CCDC88C: variants seen among roughly 807,000 people sequenced by gnomAD.
CCDC88C encodes the protein coiled-coil and HOOK domain protein 88C.
In CCDC88C, 131 loss-of-function variants were observed where a neutral mutation model predicts 198.8. That is an observed-to-expected ratio of 0.66 (90% CI 0.57 to 0.76). The LOEUF (loss-of-function observed/expected upper bound fraction) is 0.76. Ranked by LOEUF, CCDC88C falls within the 30% of genes least tolerant of loss-of-function variation. The probability of loss-of-function intolerance (pLI) is 0.00; values close to 1 mark genes in which losing one functional copy is unlikely to be tolerated. For missense variants in CCDC88C, 2,553 were observed against 2,631.6 expected, an observed-to-expected ratio of 0.97 and a Z score of 0.65; for synonymous variants, 1,166 against 1,114.7, an observed-to-expected ratio of 1.05 and a Z score of -0.92.
At chr14:91,384,271 C>G (rs1263023034) in intron 3 of CCDC88C, 2 of 298,896 alleles carry the variant, frequency 6.7e-6, no homozygotes, top group Non-Finnish European at 1.3e-5. Context: ...ACCCCCATCT[C>G]TCTTTTTTTT....
chr14:91,399,560 A>G (rs1018150985), intron 3 of CCDC88C, among the ~76,000 whole-genome samples: 12 of 152,276 alleles, frequency 7.9e-5, no homozygotes, highest in Non-Finnish European at 1.5e-4. Flanking sequence ...TTCCTAGGCC[A>G]GGCTCAGTGG....
intron 10 of CCDC88C, 149 bp downstream of exon 10, chr14:91,337,856 A>T: frequency 1.1e-6 from 1 of 878,950 alleles, no homozygotes; most frequent in South Asian, 1.6e-5. Context: ...GGGCCCTGGG[A>T]AGCCCAGGCA....
At chr14:91,361,973 C>A (rs1894324850) in intron 3 of CCDC88C, among the ~76,000 whole-genome samples, 1 of 152,092 alleles carries the variant, frequency 6.6e-6, no homozygotes, top group Admixed American at 6.5e-5. Context: ...GAGGCTCACG[C>A]CTGCAATCCT....
At chr14:91,335,066 T>C (rs1892991906) in intron 10 of CCDC88C, among the ~76,000 whole-genome samples, 1 of 152,088 alleles carries the variant, frequency 6.6e-6, no homozygotes, top group Non-Finnish European at 1.5e-5. Context: ...AGCTCCAGAT[T>C]CACTCAGCAA....
At chr14:91,342,682 A>G (rs1484525383) in intron 5 of CCDC88C, among the ~76,000 whole-genome samples, 2 of 152,198 alleles carry the variant, frequency 1.3e-5, no homozygotes, top group Admixed American at 6.5e-5. Flanking sequence ...CTTGTTCTTA[A>G]AACTCCCATC....
At chr14:91,375,955 G>GACT (rs1353427989) in intron 3 of CCDC88C, among the ~76,000 whole-genome samples, 4 of 152,226 alleles carry the variant, frequency 2.6e-5, no homozygotes, top group African/African-American at 9.7e-5. Flanking sequence ...GGGGTCACAT[G>GACT]ACTACAAGTG....
chr14:91,289,429 T>A, intron 24 of CCDC88C, 86 bp from the exon 25 acceptor site: 1 of 1,184,556 alleles, frequency 8.4e-7, no homozygotes, highest in Non-Finnish European at 1.3e-6. Flanking sequence ...GGCTGGGATG[T>A]TCTTCCCCAG....
In CCDC88C at chr14:91,273,714, G is replaced by A. The variant is rs1254719200; in HGVS notation, c.5059-61C>T. The A allele has an allele frequency of 1.1e-5, 15 of 1,356,346 alleles. No individual in the cohort carries two copies. In the South Asian group the frequency reaches 2.0e-4, roughly 19 times the overall value. 84.0% of individuals were successfully genotyped at this position (1,356,346 alleles called of 1,614,324 possible). ...GAGGGTTGGGTGGGTCCTTGGAGCC[G>A]CCTCCTGCGCGGGACGCCCCCGAGC... is the stretch of plus-strand genomic sequence containing the variant. On this transcript the variant is annotated intron_variant, in intron 29 of 29. Transcript: ENST00000389857. The surrounding 1 kb of genome is among the most constrained non-coding windows in gnomAD (Gnocchi z 5.6).
In CCDC88C at chr14:91,313,589, T is replaced by A; in HGVS notation, c.2227A>T (p.Asn743Tyr). Reference protein sequence around the residue: ...LEREKEELRKNVDLLKALGKK... With the variant: ...LEREKEELRKYVDLLKALGKK... ...CCCAGCGCCTTGAGCAGATCCACGT[T>A]CTTCCTCAGCTCCTCCTTCTCACGC... The change falls in exon 15 of 30, where the codon AAC becomes TAC. Residue 743 changes from asparagine to tyrosine, a missense_variant. Around this residue, in one of 2 missense-constraint regions of CCDC88C, gnomAD observed 1,260 missense variants for 1,412.0 expected, o/e 0.89. Coordinates refer to ENST00000389857, the MANE Select transcript of CCDC88C (RefSeq NM_001080414.4). The surrounding 1 kb of genome is among the most constrained non-coding windows in gnomAD (Gnocchi z 5.2). 6.2e-7 allele frequency: 1 copy of A among 1,612,466 alleles called. No homozygotes were observed. Among genetic ancestry groups the A allele is most frequent in the African/African-American group, 1.3e-5 (1 of 75,046 alleles).
rs777380070 is a variant in CCDC88C at position 91,272,973 on chromosome 14, AGCACCT to A, written c.5733_5738del (p.Gly1914_Ala1915del). 1 of 1,557,070 alleles carries A rather than the reference AGCACCT, an allele frequency of 6.4e-7. No homozygotes were observed. The highest frequency in any genetic ancestry group is 8.6e-7 in the Non-Finnish European group (1 of 1,156,782). ...TGCCACTGCCAGCAGCAGCAGCACC[AGCACCT>A]GCAGTGGCAATGGCGGGGGCTGTGG... On this transcript the variant is annotated inframe_deletion, in exon 30 of 30. Coordinates refer to ENST00000389857, the MANE Select transcript of CCDC88C (RefSeq NM_001080414.4).
Position 91,273,500 on chromosome 14 carries a change from G to T in CCDC88C, c.5212C>A (p.Pro1738Thr). 5 of 1,548,944 alleles carry T rather than the reference G, an allele frequency of 3.2e-6. No homozygotes were observed. The highest frequency in any genetic ancestry group is 3.5e-6 in the Non-Finnish European group (4 of 1,147,148). The change falls in exon 30 of 30, where the codon CCC becomes ACC. Residue 1738 changes from proline to threonine, a missense_variant. By Grantham distance (38) the Pro-to-Thr change is conservative. Around this residue, in one of 2 missense-constraint regions of CCDC88C, gnomAD observed 1,293 missense variants for 1,219.6 expected, o/e 1.06. Coordinates refer to ENST00000389857, the MANE Select transcript of CCDC88C (RefSeq NM_001080414.4). The surrounding 1 kb of genome is among the most constrained non-coding windows in gnomAD (Gnocchi z 5.6). ...FVAPTVKMAA[P>T]TSEGRPLKPG... Reference sequence around the variant, plus strand: ...TTCAGCGGCCTCCCCTCCGAGGTGGGGGCGGCCATTTTGACGGTGGGGGCC... The same window carrying T: ...TTCAGCGGCCTCCCCTCCGAGGTGGTGGCGGCCATTTTGACGGTGGGGGCC...
At chr14:91,334,370 G>A (rs1379366366) in intron 10 of CCDC88C, among the ~76,000 whole-genome samples, 2 of 152,134 alleles carry the variant, frequency 1.3e-5, no homozygotes, top group African/African-American at 2.4e-5. Flanking sequence ...TCAGACTCCC[G>A]AGAGTTGGGA....
Position 91,417,687 on chromosome 14 carries a change from C to A in CCDC88C, c.4G>T (p.Asp2Tyr). 1 of 1,561,340 alleles carries A rather than the reference C, an allele frequency of 6.4e-7. No homozygotes were observed. The highest frequency in any genetic ancestry group is 8.6e-7 in the Non-Finnish European group (1 of 1,158,332). The change falls in exon 1 of 30, where the codon GAC (aspartate) becomes TAC (tyrosine). Residue 2 changes from aspartate to tyrosine, a missense_variant. Physicochemically the swap from Asp to Tyr is radical, Grantham distance 160. Transcript: ENST00000389857. ...TCCAGGAGCTCCGAGACTGTCACGT[C>A]CATGCTGAGGCTGCGCCCGCCGGCT... M[D>Y]VTVSELLELF...
chr14:91,282,393 A>C (rs1321760615), intron 26 of CCDC88C, among the ~76,000 whole-genome samples: 1 of 152,178 alleles, frequency 6.6e-6, no homozygotes, highest in Non-Finnish European at 1.5e-5. Context: ...ATATTTTCCT[A>C]TCTCTTAAAT....
intron 10 of CCDC88C, among the ~76,000 whole-genome samples, chr14:91,336,343 C>T (rs1233744047): frequency 6.6e-6 from 1 of 152,160 alleles, no homozygotes; most frequent in Non-Finnish European, 1.5e-5. Context: ...CAGGAACGAA[C>T]ACGGAGACGG....
rs1281069691 is a variant in CCDC88C, at chr14:91,325,112, G to T, written c.1198-189C>A. Among the ~76,000 whole-genome samples, 4 of 152,166 alleles carry T rather than the reference G, an allele frequency of 2.6e-5. No individual in the cohort carries two copies. Among genetic ancestry groups the T allele is most frequent in the African/African-American group, 9.7e-5 (4 of 41,430 alleles). On this transcript the variant is annotated intron_variant, in intron 11 of 29. Coordinates refer to ENST00000389857, the MANE Select transcript of CCDC88C (RefSeq NM_001080414.4). The surrounding 1 kb of genome is among the most constrained non-coding windows in gnomAD (Gnocchi z 4.1). The stretch of plus-strand genomic sequence containing the variant: ...GCTATGAGAGGGAAAGCCACTCAAA[G>T]GTACCCTGACCTGGCTACCTAGGTT...
In CCDC88C at chr14:91,272,882, G is replaced by A. The variant is rs1421175239; in HGVS notation, c.5830C>T (p.Pro1944Ser). 5 of 1,588,276 alleles carry A rather than the reference G, an allele frequency of 3.1e-6. No homozygotes were observed. The African/African-American group carries it at 6.7e-5, about 21-fold the overall frequency. Residue 1944 changes from proline to serine, a missense_variant, in exon 30 of 30, where the codon CCC (proline) becomes TCC (serine). Pro to Ser is a moderately conservative substitution (Grantham distance 74). Coordinates refer to ENST00000389857, the MANE Select transcript of CCDC88C (RefSeq NM_001080414.4). ...APAARTKPKA[P>S]PRSGEVATIT... ...GTGGCCACCTCCCCTGAGCGTGGGG[G>A]CGCCTTGGGCTTGGTCCTGGCAGCC...
chr14:91,325,554 C>A lies in CCDC88C; in HGVS notation c.1197+356G>T, dbSNP rs774588675. Reference sequence around the variant, plus strand: ...GAGAAGGGCACGCCATAAACCTGAACCTGCCCCAATCGGTTTTCTTTTCTT... The same window carrying A: ...GAGAAGGGCACGCCATAAACCTGAAACTGCCCCAATCGGTTTTCTTTTCTT... On this transcript the variant is annotated intron_variant, in intron 11 of 29. Coordinates refer to ENST00000389857, the MANE Select transcript of CCDC88C (RefSeq NM_001080414.4). The surrounding 1 kb of genome is among the most constrained non-coding windows in gnomAD (Gnocchi z 4.1). Among the ~76,000 whole-genome samples the A allele has an allele frequency of 5.9e-5, 9 of 152,124 alleles. No individual in the cohort carries two copies. Among genetic ancestry groups the A allele is most frequent in the Non-Finnish European group, 1.3e-4 (9 of 68,018 alleles).
intron 3 of CCDC88C, among the ~76,000 whole-genome samples, chr14:91,389,299 C>T (rs1181126970): frequency 2.0e-5 from 3 of 152,178 alleles, no homozygotes; most frequent in Admixed American, 6.5e-5. Flanking sequence ...GGGCCCTGAC[C>T]TCTGCTCCAT....
Sources: gnomAD v4.1 joint callset for allele counts (sites outside exome capture counted in the v4.1 genomes callset) on GRCh38, gnomAD v4.1.1 for gene constraint, gnomAD v4.1.1 regional missense constraint, Gnocchi (gnomAD v3.1) non-coding constraint, MANE v1.5 for transcripts, NCBI Gene and HGNC (gene_info 2026-07-23, HGNC 2026-07-21) for gene names.